NEGR1: variants seen among roughly 807,000 people sequenced by gnomAD.
The protein encoded by NEGR1 is IgLON family member 4.
A neutral mutation model predicts 40.9 loss-of-function variants in NEGR1; 10 were observed. That is an observed-to-expected ratio of 0.24 (90% CI 0.15 to 0.42). The LOEUF is 0.42. Ranked by LOEUF, NEGR1 falls within the 10% of genes least tolerant of loss-of-function variation. The pLI, the probability that NEGR1 is intolerant of heterozygous loss-of-function variation, is 1.00. For synonymous variants in NEGR1, 185 were observed against 166.8 expected (o/e 1.11, Z -0.84); for missense variants, 352 against 438.9 (o/e 0.80, Z 1.77).
At chr1:72,140,329 C>T (rs572913960) in intron 1 of NEGR1, among the ~76,000 whole-genome samples, 1 of 151,854 alleles carries the variant, frequency 6.6e-6, no homozygotes, top group Admixed American at 6.6e-5. Context: ...AGGTAATTTA[C>T]AATGAAAATA....
chr1:72,208,214 T>C (rs2100458548), intron 1 of NEGR1, among the ~76,000 whole-genome samples: 1 of 151,864 alleles, frequency 6.6e-6, no homozygotes, highest in Non-Finnish European at 1.5e-5. Flanking sequence ...TGTCTTCATG[T>C]GATTAAATAA....
At chr1:72,061,929 A>G (rs917085114) in intron 1 of NEGR1, among the ~76,000 whole-genome samples, 1 of 151,626 alleles carries the variant, frequency 6.6e-6, no homozygotes, top group Non-Finnish European at 1.5e-5. Flanking sequence ...TGCAGTCTCC[A>G]CCTCACCAAT....
At chr1:71,660,582 C>G (rs1376850558) in intron 4 of NEGR1, among the ~76,000 whole-genome samples, 1 of 152,182 alleles carries the variant, frequency 6.6e-6, no homozygotes, top group Admixed American at 6.5e-5. Context: ...AATGTGTTCA[C>G]ATAAGCTAGA....
chr1:71,763,133 G>T (rs1041679652), intron 3 of NEGR1, among the ~76,000 whole-genome samples: 2 of 152,106 alleles, frequency 1.3e-5, no homozygotes, highest in African/African-American at 4.8e-5. Flanking sequence ...CTTGATTTTG[G>T]TTCTGGCTAC....
At chr1:71,977,848 A>C (rs1171661307) in intron 1 of NEGR1, among the ~76,000 whole-genome samples, 1 of 151,704 alleles carries the variant, frequency 6.6e-6, no homozygotes, top group Non-Finnish European at 1.5e-5. Flanking sequence ...AAGAAAGAAA[A>C]TAACAGCACC....
In NEGR1 at chr1:72,165,369, T is replaced by C. The variant is rs80018597; in HGVS notation, c.176+116950A>G. On this transcript the variant is annotated intron_variant, in intron 1 of 6. Transcript: ENST00000357731. Reference sequence around the variant, plus strand: ...TGTCAACATTAACTAATAAAATTATTTCATAAAGATAAGCCAGAAAGAGGA... The same window carrying C: ...TGTCAACATTAACTAATAAAATTATCTCATAAAGATAAGCCAGAAAGAGGA... Among the ~76,000 whole-genome samples, 144 of 152,136 alleles carry C rather than the reference T, an allele frequency of 9.5e-4. 2 individuals are homozygous for C. In the East Asian group the frequency reaches 0.023, roughly 24 times the overall value.
chr1:72,179,924 C>A (rs953989688), intron 1 of NEGR1, among the ~76,000 whole-genome samples: 11 of 151,816 alleles, frequency 7.2e-5, no homozygotes, highest in African/African-American at 2.4e-4. Context: ...GCCAATGTAT[C>A]AAAAAATTAG....
chr1:71,833,166 C>T (rs368200139), intron 2 of NEGR1, among the ~76,000 whole-genome samples: 3 of 151,820 alleles, frequency 2.0e-5, no homozygotes, highest in Non-Finnish European at 4.4e-5. Flanking sequence ...AATAAAATTG[C>T]TACTTTTTGT....
intron 1 of NEGR1, among the ~76,000 whole-genome samples, chr1:72,040,941 AT>A (rs1379853179): frequency 6.6e-6 from 1 of 151,988 alleles, no homozygotes; most frequent in African/African-American, 2.4e-5. Flanking sequence ...GAAGCACTCT[AT>A]CCCTCTCCAG....
At chr1:71,619,272 T>C (rs1443572804) in intron 4 of NEGR1, among the ~76,000 whole-genome samples, 1 of 152,062 alleles carries the variant, frequency 6.6e-6, no homozygotes, top group East Asian at 1.9e-4. Flanking sequence ...GATGATCAAA[T>C]GAAAAAATCT....
intron 3 of NEGR1, among the ~76,000 whole-genome samples, chr1:71,761,976 A>G (rs1188813936): frequency 6.6e-6 from 1 of 152,104 alleles, no homozygotes; most frequent in Non-Finnish European, 1.5e-5. Flanking sequence ...ACATTATCAT[A>G]ATAAAAATAC....
At chr1:72,001,553 A>G (rs989176388) in intron 1 of NEGR1, among the ~76,000 whole-genome samples, 12 of 151,272 alleles carry the variant, frequency 7.9e-5, no homozygotes, top group African/African-American at 2.7e-4. Flanking sequence ...TGCTACAAAG[A>G]AACAAAATGC....
intron 1 of NEGR1, among the ~76,000 whole-genome samples, chr1:72,061,412 T>C (rs1647170168): frequency 1.3e-5 from 2 of 151,810 alleles, no homozygotes; most frequent in African/African-American, 4.8e-5. Context: ...TAATGGGATT[T>C]TTTTCCAGAA....
intron 4 of NEGR1, among the ~76,000 whole-genome samples, chr1:71,680,343 A>G (rs1044613144): frequency 2.0e-5 from 3 of 152,098 alleles, no homozygotes; most frequent in Non-Finnish European, 4.4e-5. Context: ...AGACTGTTAA[A>G]GAAATTATTT....
intron 1 of NEGR1, among the ~76,000 whole-genome samples, chr1:72,216,112 A>G (rs899977864): frequency 6.6e-6 from 1 of 151,986 alleles, no homozygotes; most frequent in Non-Finnish European, 1.5e-5. Context: ...ACAGGAACAG[A>G]AAAGCAAACA....
At chr1:72,076,401 C>A (rs1027569531) in intron 1 of NEGR1, among the ~76,000 whole-genome samples, 2 of 152,138 alleles carry the variant, frequency 1.3e-5, no homozygotes, top group Non-Finnish European at 2.9e-5. Flanking sequence ...GGCTTCCCAG[C>A]CTCCAGAACT....
intron 1 of NEGR1, among the ~76,000 whole-genome samples, chr1:71,970,709 A>G (rs1442741522): frequency 6.6e-6 from 1 of 152,118 alleles, no homozygotes; most frequent in East Asian, 1.9e-4. Flanking sequence ...AAATCACTTA[A>G]CTTAAATAAT....
intron 1 of NEGR1, among the ~76,000 whole-genome samples, chr1:72,141,183 G>T (rs1025266461): frequency 6.6e-6 from 1 of 152,024 alleles, no homozygotes; most frequent in Admixed American, 6.6e-5. Context: ...AGGGAGCCAT[G>T]AGTGGTTTAG....
chr1:71,857,457 CAAAA>C (rs34177437), intron 2 of NEGR1, among the ~76,000 whole-genome samples: 5 of 77,652 alleles, frequency 6.4e-5, no homozygotes, highest in African/African-American at 2.7e-4. Context: ...ACAAAAAATA[CAAAA>C]AAAAAAAAAA....
Sources: gnomAD v4.1 joint callset for allele counts (sites outside exome capture counted in the v4.1 genomes callset) on GRCh38, gnomAD v4.1.1 for gene constraint, MANE v1.5 for transcripts, NCBI Gene and HGNC (gene_info 2026-07-23, HGNC 2026-07-21) for gene names.